The following TLK1 variants were observed in gnomAD, a reference collection of about 807,000 sequenced individuals.
The protein encoded by TLK1 is serine/threonine-protein kinase tousled-like 1.
In TLK1, 24 loss-of-function variants were observed where a neutral mutation model predicts 105.3. The ratio of observed to expected loss-of-function variants is 0.23; its 90% confidence interval spans 0.17 to 0.32. The LOEUF (loss-of-function observed/expected upper bound fraction) is 0.32. Ranked by LOEUF, TLK1 falls within the 10% of genes least tolerant of loss-of-function variation. The pLI, the probability that TLK1 is intolerant of heterozygous loss-of-function variation, is 1.00. For synonymous variants in TLK1, 321 were observed against 310.4 expected (o/e 1.03, Z -0.36); for missense variants, 558 against 910.5 (o/e 0.61, Z 4.98).
At chr2:171,044,322 A>T (rs1330716126) in intron 11 of TLK1, among the ~76,000 whole-genome samples, 1 of 152,230 alleles carries the variant, frequency 6.6e-6, no homozygotes, top group East Asian at 1.9e-4. Flanking sequence ...GACAACTAGA[A>T]TTCTTACATG....
intron 12 of TLK1, among the ~76,000 whole-genome samples, chr2:171,018,472 T>C (rs777584371): frequency 2.4e-4 from 37 of 152,236 alleles, no homozygotes; most frequent in Non-Finnish European, 4.1e-4. Context: ...GAACAACTTA[T>C]CTTTGCTACA....
intron 11 of TLK1, among the ~76,000 whole-genome samples, chr2:171,039,009 T>C (rs1686518348): frequency 2.0e-5 from 3 of 152,186 alleles, no homozygotes; most frequent in South Asian, 2.1e-4. Flanking sequence ...ATCATATTTA[T>C]ATAAATTTAG....
intron 3 of TLK1, among the ~76,000 whole-genome samples, chr2:171,071,767 G>A (rs1688267556): frequency 6.6e-6 from 1 of 152,192 alleles, no homozygotes; most frequent in African/African-American, 2.4e-5. Context: ...TATGGTGAGA[G>A]ATAGGGGATC....
intron 1 of TLK1, among the ~76,000 whole-genome samples, chr2:171,141,616 T>C (rs1052343427): frequency 6.6e-6 from 1 of 152,094 alleles, no homozygotes; most frequent in African/African-American, 2.4e-5. Context: ...AGACTGATAG[T>C]TGACTTCTCA....
At chr2:171,072,774 A>C (rs1403583312) in intron 3 of TLK1, among the ~76,000 whole-genome samples, 1 of 151,420 alleles carries the variant, frequency 6.6e-6, no homozygotes, top group Non-Finnish European at 1.5e-5. Context: ...ATCTCAAAGA[A>C]AAAAAAATGT....
chr2:171,050,092 G>A lies in TLK1; in HGVS notation c.815C>T (p.Ser272Leu), dbSNP rs1444814447. Residue 272 changes from serine to leucine, a missense_variant, in exon 9 of 21, where the codon TCA becomes TTA. Transcript: ENST00000431350. ...KYKERLNKCI[S>L]MSKKLLIEKS... is the part of the protein sequence containing the mutation. The stretch of plus-strand genomic sequence containing the variant: ...TTCAATAAGAAGTTTCTTGCTCATT[G>A]ATATGCACTTATTTAATCGTTCTTT... 6.9e-6 allele frequency: 11 copies of A among 1,601,366 alleles called. No homozygotes were observed. The highest frequency in any genetic ancestry group is 1.1e-5 in the South Asian group (1 of 89,922).
chr2:171,158,573 G>A (rs1692324713), intron 1 of TLK1, among the ~76,000 whole-genome samples: 1 of 152,082 alleles, frequency 6.6e-6, no homozygotes, highest in South Asian at 2.1e-4. Context: ...TCACAGTAAT[G>A]GCTCAATAAA....
chr2:171,165,725 AC>A (rs1355934083), upstream of TLK1, among the ~76,000 whole-genome samples: 2 of 152,222 alleles, frequency 1.3e-5, no homozygotes, highest in African/African-American at 4.8e-5. Flanking sequence ...AGCCTGACCA[AC>A]ATGGTGAAGC....
At chr2:171,103,282 A>ATATATATATATATATATATATATAT (rs55949414) in intron 2 of TLK1, among the ~76,000 whole-genome samples, 36 of 147,942 alleles carry the variant, frequency 2.4e-4, no homozygotes, top group African/African-American at 6.0e-4. Context: ...ATATATATAT[A>ATATATATATATATATATATATATAT]ATTTTTTTTG....
At chr2:171,010,693 T>C (rs1041888569) in intron 14 of TLK1, among the ~76,000 whole-genome samples, 1 of 151,374 alleles carries the variant, frequency 6.6e-6, no homozygotes, top group Non-Finnish European at 1.5e-5. Flanking sequence ...TTTATACATA[T>C]GCATTTGAGA....
intron 1 of TLK1, among the ~76,000 whole-genome samples, chr2:171,224,793 G>A (rs374926960): frequency 1.3e-5 from 2 of 152,154 alleles, no homozygotes; most frequent in Non-Finnish European, 2.9e-5. Flanking sequence ...ACATTTCTTA[G>A]TTTCAAAACT....
At chr2:171,224,929 A>C (rs1357674042) in intron 1 of TLK1, among the ~76,000 whole-genome samples, 2 of 152,208 alleles carry the variant, frequency 1.3e-5, no homozygotes, top group African/African-American at 2.4e-5. Flanking sequence ...GATTTTTTCA[A>C]CAAGGGTTTC....
intron 11 of TLK1, among the ~76,000 whole-genome samples, chr2:171,042,516 G>T (rs1430867921): frequency 6.6e-6 from 1 of 152,048 alleles, no homozygotes; most frequent in African/African-American, 2.4e-5. Context: ...CAAAACAGTG[G>T]ATTACAGGCA....
chr2:171,024,799 A>G (rs78124697), intron 12 of TLK1, among the ~76,000 whole-genome samples: 2,056 of 152,346 alleles, frequency 0.013, 42 homozygotes, highest in African/African-American at 0.044. Flanking sequence ...AAGTCTATAA[A>G]AAGTAATATG....
At chr2:171,183,735 A>G (rs2105309128) in intron 1 of TLK1, among the ~76,000 whole-genome samples, 1 of 152,314 alleles carries the variant, frequency 6.6e-6, no homozygotes, top group East Asian at 1.9e-4. Context: ...CCTATCCAGG[A>G]AAGTCTTCCT....
intron 13 of TLK1, among the ~76,000 whole-genome samples, chr2:171,013,318 CTT>C (rs774923512): frequency 1.9e-3 from 144 of 74,136 alleles, no homozygotes; most frequent in African/African-American, 7.5e-3. Flanking sequence ...TGGCCCCTCA[CTT>C]TTTTTTTTTT....
At chr2:171,025,965 T>C (rs1327360844) in intron 12 of TLK1, among the ~76,000 whole-genome samples, 7 of 152,282 alleles carry the variant, frequency 4.6e-5, no homozygotes, top group Admixed American at 3.9e-4. Context: ...AAATAGTCTC[T>C]CAGAAGAAAA....
chr2:171,057,564 AGTGGTG>A (rs1687562477), intron 5 of TLK1, among the ~76,000 whole-genome samples: 2 of 152,148 alleles, frequency 1.3e-5, no homozygotes, highest in South Asian at 4.1e-4. Context: ...GAAAGAAAGC[AGTGGTG>A]GAAAAAAAAA....
At chr2:171,006,688 G>C in intron 16 of TLK1, 45 bp from the exon 17 acceptor site, 1 of 1,605,222 alleles carries the variant, frequency 6.2e-7, no homozygotes, top group Non-Finnish European at 8.5e-7. Flanking sequence ...TAATATCCAA[G>C]AATTCAGAAT....
Sources: allele counts gnomAD v4.1 joint callset (sites outside exome capture counted in the v4.1 genomes callset), GRCh38; gene constraint gnomAD v4.1.1; transcripts MANE v1.5; gene names NCBI Gene and HGNC (gene_info 2026-07-23, HGNC 2026-07-21).